The following EFTUD2 variants were observed in gnomAD, a reference collection of about 807,000 sequenced individuals.
The protein encoded by EFTUD2 is elongation factor Tu GTP binding domain containing 2, also known as 116 kDa U5 small nuclear ribonucleoprotein component.
EFTUD2 carries 9 observed loss-of-function variants against 114.3 expected under a neutral mutation model. The ratio of observed to expected loss-of-function variants is 0.08; its 90% CI spans 0.05 to 0.14. EFTUD2 has a LOEUF of 0.14. Among genes scored for constraint, EFTUD2 ranks in the 10% least tolerant of loss-of-function variants. EFTUD2 has a pLI of 1.00. For missense variants in EFTUD2, 765 were observed against 1,241.2 expected, an observed-to-expected ratio of 0.62 and a Z score of 5.76; for synonymous variants, 449 against 462.3, an observed-to-expected ratio of 0.97 and a Z score of 0.37.
chr17:44,861,063 G>T (rs1411235616), intron 16 of EFTUD2, among the ~76,000 whole-genome samples: 9 of 152,186 alleles, frequency 5.9e-5, no homozygotes, highest in Non-Finnish European at 1.0e-4. Flanking sequence ...GTATTTCTGT[G>T]AGGACATAAG....
chr17:44,894,553 T>C, intron 1 of EFTUD2, 28 bp from the exon 2 acceptor site: 1 of 1,572,870 alleles, frequency 6.4e-7, no homozygotes, highest in South Asian at 1.1e-5. Context: ...AAGAGTTAGA[T>C]TCTGACAAGG....
rs11656869 is a variant in EFTUD2, at chr17:44,879,653, C to A, written c.620-15G>T. ...ATTCACATGTCCTGAAAAGCAAATACTAAGTAAGTCATCACTTGGTGCAGG... is the reference window on the plus strand; with the variant it reads ...ATTCACATGTCCTGAAAAGCAAATAATAAGTAAGTCATCACTTGGTGCAGG... On this transcript the variant is annotated splice_polypyrimidine_tract_variant and intron_variant, in intron 8 of 27. Transcript: ENST00000426333. The A allele has an allele frequency of 6.2e-7, 1 of 1,612,924 alleles. No individual in the cohort carries two copies. The highest frequency in any genetic ancestry group is 1.1e-5 in the South Asian group (1 of 91,034).
chr17:44,861,909 A>G (rs999805224), intron 16 of EFTUD2, among the ~76,000 whole-genome samples: 8 of 152,196 alleles, frequency 5.3e-5, no homozygotes, highest in African/African-American at 1.9e-4. Flanking sequence ...TAAACTGACA[A>G]GTAGCCCAGA....
intron 17 of EFTUD2, 123 bp from the exon 18 acceptor site, chr17:44,860,168 G>A (rs1297169598): frequency 1.0e-5 from 14 of 1,392,694 alleles, no homozygotes; most frequent in Non-Finnish European, 1.4e-5. Flanking sequence ...CCAGGAGCCT[G>A]GTGCTGAGTG....
intron 18 of EFTUD2, 79 bp downstream of exon 18, chr17:44,859,826 G>T: frequency 6.3e-7 from 1 of 1,599,166 alleles, no homozygotes; most frequent in Non-Finnish European, 8.5e-7. Flanking sequence ...AACACCTGAT[G>T]GATGGGAAGC....
At chr17:44,884,491 C>A (rs1473502532) in intron 4 of EFTUD2, among the ~76,000 whole-genome samples, 1 of 151,028 alleles carries the variant, frequency 6.6e-6, no homozygotes, top group African/African-American at 2.4e-5. Flanking sequence ...TGCACTCCAG[C>A]CTGGGCAACA....
Position 44,880,560 on chromosome 17 carries a change from T to C in EFTUD2, c.613A>G (p.Thr205Ala), listed in dbSNP as rs2051054911. Reference protein sequence around the residue: ...GKSYLFNIMDTPGHVNFSDEV... With the variant: ...GKSYLFNIMDAPGHVNFSDEV... ...AAGCCAAAGGATGTCCTACCTGGAGTGTCCATGATATTGAAGAGATAAGAT... is the reference window on the plus strand; with the variant it reads ...AAGCCAAAGGATGTCCTACCTGGAGCGTCCATGATATTGAAGAGATAAGAT... Residue 205 changes from threonine to alanine, a missense_variant, in exon 8 of 28, where the codon ACT (threonine) becomes GCT (alanine). Around this residue, in one of 6 missense-constraint regions of EFTUD2, gnomAD observed 251 missense variants for 357.7 expected, o/e 0.70. Coordinates refer to ENST00000426333, the MANE Select transcript of EFTUD2 (RefSeq NM_004247.4). 1 of 1,612,666 alleles carries C rather than the reference T, an allele frequency of 6.2e-7. No homozygotes were observed. Among genetic ancestry groups the C allele is most frequent in the South Asian group, 1.1e-5 (1 of 90,972 alleles).
chr17:44,897,236 A>G (rs1369333896), intron 1 of EFTUD2, among the ~76,000 whole-genome samples: 1 of 150,390 alleles, frequency 6.6e-6, no homozygotes, highest in Non-Finnish European at 1.5e-5. Flanking sequence ...AAAAAAAAAA[A>G]GAATTTACCA....
chr17:44,863,479 C>T, intron 15 of EFTUD2, 176 bp downstream of exon 15: 1 of 811,876 alleles, frequency 1.2e-6, no homozygotes, highest in Non-Finnish European at 1.9e-6. Context: ...GTAATGTTCC[C>T]AAGGTCATAG....
intron 9 of EFTUD2, among the ~76,000 whole-genome samples, chr17:44,878,427 C>T (rs1034646708): frequency 2.0e-5 from 3 of 152,118 alleles, no homozygotes; most frequent in Admixed American, 1.3e-4. Flanking sequence ...ACTTGAAAAT[C>T]ATGAAAACTA....
At chr17:44,856,960 T>C in intron 20 of EFTUD2, 115 bp downstream of exon 20, 1 of 825,606 alleles carries the variant, frequency 1.2e-6, no homozygotes. Context: ...CCCCCTATTC[T>C]GAGCTGTAGA....
Position 44,854,728 on chromosome 17 carries a change from T to A in EFTUD2, c.2133-46A>T, listed in dbSNP as rs758355093. The A allele has an allele frequency of 2.5e-6, 4 of 1,598,892 alleles. No homozygotes were observed. Among genetic ancestry groups the A allele is most frequent in the Non-Finnish European group, 3.4e-6 (4 of 1,170,628 alleles). On this transcript the variant is annotated intron_variant, in intron 21 of 27. Coordinates refer to ENST00000426333, the MANE Select transcript of EFTUD2 (RefSeq NM_004247.4). This position sits in a 1 kb window ranked among gnomAD's most constrained non-coding sequence, Gnocchi z 4.3. ...TGGAGCTGTCAGCCAGCTCTGTGAT[T>A]GCTGGTCCTGGAGCCACAGACCCTC... is the stretch of plus-strand genomic sequence containing the variant.
chr17:44,887,461 C>T (rs1455913670), intron 2 of EFTUD2, among the ~76,000 whole-genome samples: 1 of 152,126 alleles, frequency 6.6e-6, no homozygotes, highest in Admixed American at 6.5e-5. Context: ...GTGGTACATC[C>T]ATACAAAAGA....
At chr17:44,889,408 G>A (rs967084830) in intron 2 of EFTUD2, among the ~76,000 whole-genome samples, 14 of 152,198 alleles carry the variant, frequency 9.2e-5, no homozygotes, top group African/African-American at 3.4e-4. Flanking sequence ...ATGGGGTCAA[G>A]AGAGAGTTTT....
chr17:44,898,394 A>T (rs977889700), intron 1 of EFTUD2, among the ~76,000 whole-genome samples: 2 of 152,000 alleles, frequency 1.3e-5, no homozygotes, highest in Admixed American at 6.6e-5. Context: ...ATTTTTTTGT[A>T]TTCTTAGTAG....
chr17:44,872,604 G>A lies in EFTUD2; in HGVS notation c.870-34C>T, dbSNP rs183877713. ...GAGACAGTGGTGAACACAGTGCCAG[G>A]CTGCAGCAGCCCGGACGCACTGCCA... On this transcript the variant is annotated intron_variant, in intron 10 of 27. Transcript: ENST00000426333. 8 of 1,571,882 alleles carry A rather than the reference G, an allele frequency of 5.1e-6. No homozygotes were observed. The African/African-American group carries it at 8.1e-5, about 16-fold the overall frequency.
intron 17 of EFTUD2, 71 bp downstream of exon 17, chr17:44,860,361 G>A (rs745760411): frequency 2.3e-4 from 250 of 1,086,708 alleles, no homozygotes; most frequent in Non-Finnish European, 3.4e-4. Context: ...GATTAGTCCC[G>A]TTTGTGCTCA....
intron 10 of EFTUD2, among the ~76,000 whole-genome samples, chr17:44,873,335 TTA>T (rs1597808182): frequency 6.6e-6 from 1 of 152,214 alleles, no homozygotes; most frequent in Non-Finnish European, 1.5e-5. Context: ...AGTAATATGT[TTA>T]TGTTACTTTT....
At chr17:44,879,517 A>G in intron 9 of EFTUD2, 39 bp downstream of exon 9, 1 of 1,607,130 alleles carries the variant, frequency 6.2e-7, no homozygotes, top group Non-Finnish European at 8.5e-7. Flanking sequence ...GGGCAAACAT[A>G]ACAGGTGGAT....
Sources: allele counts gnomAD v4.1 joint callset (sites outside exome capture counted in the v4.1 genomes callset), GRCh38; gene constraint gnomAD v4.1.1; regional missense constraint gnomAD v4.1.1; non-coding constraint Gnocchi (gnomAD v3.1); transcripts MANE v1.5; gene names NCBI Gene and HGNC (gene_info 2026-07-23, HGNC 2026-07-21).